Variants in TFRC observed in about 807,000 individuals in gnomAD.
TFRC encodes the protein transferrin receptor protein 1.
TFRC carries 35 observed loss-of-function variants against 85.8 expected under a neutral mutation model. The ratio of observed to expected loss-of-function variants is 0.41; its 90% CI spans 0.31 to 0.54. The LOEUF is 0.54. TFRC is among the 20% of genes least tolerant of loss of function. TFRC has a pLI of 0.31. For synonymous variants in TFRC, 362 were observed against 328.6 expected (o/e 1.10, Z -1.10); for missense variants, 828 against 921.5 (o/e 0.90, Z 1.31).
At chr3:196,069,858 G>A (rs1718043821) in intron 6 of TFRC, among the ~76,000 whole-genome samples, 1 of 152,212 alleles carries the variant, frequency 6.6e-6, no homozygotes, top group Non-Finnish European at 1.5e-5. Flanking sequence ...GGCTGGTCAT[G>A]GGACTGGAGG....
intron 16 of TFRC, among the ~76,000 whole-genome samples, chr3:196,056,703 G>A (rs1716825448): frequency 6.6e-6 from 1 of 152,258 alleles, no homozygotes; most frequent in Non-Finnish European, 1.5e-5. Context: ...ACTCGGCCAA[G>A]CCTCATTATT....
At chr3:196,064,485 C>T (rs1717551814) in intron 10 of TFRC, 57 bp from the exon 11 acceptor site, 1 of 1,501,900 alleles carries the variant, frequency 6.7e-7, no homozygotes, top group Non-Finnish European at 8.9e-7. Flanking sequence ...CTAAACTTTT[C>T]TAGAATTAGC....
intron 8 of TFRC, among the ~76,000 whole-genome samples, 161 bp from the exon 9 acceptor site, chr3:196,067,818 TG>T (rs1717862136): frequency 6.6e-6 from 1 of 152,214 alleles, no homozygotes. Context: ...TCATGGCATA[TG>T]GAAATTCTCA....
intron 6 of TFRC, 133 bp downstream of exon 6, chr3:196,071,263 A>G: frequency 1.5e-6 from 1 of 683,408 alleles, no homozygotes; most frequent in South Asian, 1.8e-5. Flanking sequence ...CTGTGTCATT[A>G]GAGGGTTGAA....
At chr3:196,081,424 G>C (rs1719165974) in intron 1 of TFRC, among the ~76,000 whole-genome samples, 1 of 152,234 alleles carries the variant, frequency 6.6e-6, no homozygotes, top group South Asian at 2.1e-4. Context: ...TAACCGAATC[G>C]GGGACAGCTT....
At chr3:196,068,466 C>T (rs1577240298) in intron 7 of TFRC, among the ~76,000 whole-genome samples, 1 of 151,712 alleles carries the variant, frequency 6.6e-6, no homozygotes, top group Admixed American at 6.6e-5. Flanking sequence ...CAAAAATTAA[C>T]TGGGCGCAGT....
At chr3:196,077,179 C>G in intron 1 of TFRC, 57 bp from the exon 2 acceptor site, 1 of 1,227,886 alleles carries the variant, frequency 8.1e-7, no homozygotes, top group East Asian at 2.3e-5. Context: ...GATTAGTGAG[C>G]TTTCTATTAC....
At chr3:196,068,001 A>G (rs1577239494) in intron 8 of TFRC, 31 bp downstream of exon 8, 1 of 1,575,552 alleles carries the variant, frequency 6.3e-7, no homozygotes. Flanking sequence ...CAAGGAACTC[A>G]AAACGGTGAT....
In TFRC at chr3:196,051,575, G is replaced by A. The variant is rs1013900921; in HGVS notation, c.*367C>T. On this transcript the variant is annotated 3_prime_UTR_variant, in exon 19 of 19. Transcript: ENST00000360110. ...AGTTGGAGGATCACTCAAAGTAAGC[G>A]ACCACTTACAACCTTCAGCAGAGAC... The A allele has an allele frequency of 7.9e-6, 2 of 252,234 alleles. No homozygotes were observed. Among genetic ancestry groups the A allele is most frequent in the East Asian group, 1.2e-4 (2 of 16,716 alleles). 15.6% of individuals were successfully genotyped at this position (252,234 alleles called of 1,614,324 possible). A position where few individuals can be genotyped will look rare whatever the true frequency, so the allele number is the denominator to read the frequency against.
intron 16 of TFRC, among the ~76,000 whole-genome samples, chr3:196,055,931 G>A (rs756600442): frequency 3.4e-5 from 5 of 148,506 alleles, no homozygotes; most frequent in African/African-American, 7.5e-5. Flanking sequence ...TTGAGACGAG[G>A]TCACTCTGTC....
intron 13 of TFRC, among the ~76,000 whole-genome samples, chr3:196,061,776 A>G (rs1717303854): frequency 6.6e-6 from 1 of 152,222 alleles, no homozygotes; most frequent in African/African-American, 2.4e-5. Flanking sequence ...GGCGTGCACC[A>G]CTGCGCCCAG....
At chr3:196,064,929 C>T (rs1246140079) in intron 10 of TFRC, among the ~76,000 whole-genome samples, 2 of 152,278 alleles carry the variant, frequency 1.3e-5, no homozygotes, top group African/African-American at 4.8e-5. Flanking sequence ...CAATTTTTAA[C>T]AAGAATTTCC....
Position 196,060,437 on chromosome 3 carries a change from C to G in TFRC, c.1469-190G>C, listed in dbSNP as rs9846149. On this transcript the variant is annotated intron_variant, in intron 13 of 18. Coordinates refer to ENST00000360110, the MANE Select transcript of TFRC (RefSeq NM_001128148.3). ...AGCTCTTTAGCAACTAAGCTAACTTCACTCAAGTGGGCTCGTACTACTCCT... is the reference window on the plus strand; with the variant it reads ...AGCTCTTTAGCAACTAAGCTAACTTGACTCAAGTGGGCTCGTACTACTCCT... 305,844 of 576,184 alleles carry G rather than the reference C, an allele frequency of 0.53. 86,710 individuals are homozygous for G. The highest frequency in any genetic ancestry group is 0.65 in the Middle Eastern group (1,652 of 2,524). 35.7% of individuals were successfully genotyped at this position (576,184 alleles called of 1,614,324 possible). A position where few individuals can be genotyped will look rare whatever the true frequency, so the allele number is the denominator to read the frequency against.
intron 10 of TFRC, among the ~76,000 whole-genome samples, chr3:196,064,684 TAGTA>T (rs1717568744): frequency 6.6e-6 from 1 of 152,210 alleles, no homozygotes; most frequent in South Asian, 2.1e-4. Flanking sequence ...ACTTATTTCT[TAGTA>T]AGTGTTGGCT....
rs1158709674 is a variant in TFRC, at chr3:196,050,204, T to A, written c.*1738A>T. ...AATGTGATAAAGTTAAAATGACTTG[T>A]CAATAGCAAACATTATAAATGTATG... is the stretch of plus-strand genomic sequence containing the variant. On this transcript the variant is annotated 3_prime_UTR_variant, in exon 19 of 19. Coordinates refer to ENST00000360110, the MANE Select transcript of TFRC (RefSeq NM_001128148.3). The A allele has an allele frequency of 8.8e-6, 2 of 226,378 alleles. No individual in the cohort carries two copies. The highest frequency in any genetic ancestry group is 1.8e-5 in the Non-Finnish European group (2 of 113,744). 14.0% of individuals were successfully genotyped at this position (226,378 alleles called of 1,614,324 possible).
chr3:196,055,419 C>A lies in TFRC; in HGVS notation c.1678-118G>T. 3 of 791,388 alleles carry A rather than the reference C, an allele frequency of 3.8e-6. No homozygotes were observed. The Admixed American group carries it at 6.6e-5, about 17-fold the overall frequency. The allele number at this position is 791,388 out of a possible 1,614,324, so 49.0% of individuals were successfully genotyped here. ...GTTCCACCCTTGCTTCTAACATATTCCTACCGCAATTTACCCCAATTCTAT... is the reference window on the plus strand; with the variant it reads ...GTTCCACCCTTGCTTCTAACATATTACTACCGCAATTTACCCCAATTCTAT... On this transcript the variant is annotated intron_variant, in intron 16 of 18. Coordinates refer to ENST00000360110, the MANE Select transcript of TFRC (RefSeq NM_001128148.3).
rs746921045 is a variant in TFRC at position 196,075,346 on chromosome 3, T to C, written c.51A>G (p.Pro17=). The change falls in exon 3 of 19, where the codon CCA becomes CCG. Residue 17 remains proline (P), a synonymous_variant. Coordinates refer to ENST00000360110, the MANE Select transcript of TFRC (RefSeq NM_001128148.3). ...SAFSNLFGGE[P]LSYTRFSLAR... ...CCAGGCTGAACCGGGTATATGACAA[T>C]GGTTCTCCACCAAACTGTGTTGCGG... The C allele has an allele frequency of 8.1e-6, 13 of 1,614,024 alleles. No individual in the cohort carries two copies. The highest frequency in any genetic ancestry group is 1.1e-5 in the Non-Finnish European group (13 of 1,180,008).
chr3:196,073,957 T>C lies in TFRC; in HGVS notation c.407A>G (p.Asp136Gly), dbSNP rs1271505620. Residue 136 changes from aspartate to glycine, a missense_variant, in exon 4 of 19, where the codon GAC (aspartate) becomes GGC (glycine). Physicochemically the swap from Asp to Gly is moderately conservative, Grantham distance 94. Coordinates refer to ENST00000360110, the MANE Select transcript of TFRC (RefSeq NM_001128148.3). ...GATGGTGCCGGTGAAGTCTGTGCTG[T>C]CCAGTTTCTCCGACAACTTTCTCTT... ...DLKRKLSEKL[D>G]STDFTGTIKL... 2 of 1,614,132 alleles carry C rather than the reference T, an allele frequency of 1.2e-6. No individual in the cohort carries two copies. The highest frequency in any genetic ancestry group is 1.1e-5 in the South Asian group (1 of 91,084).
In TFRC at chr3:196,067,553, C is replaced by T. The variant is rs1014084096; in HGVS notation, c.1005G>A (p.Gln335=). Residue 335 remains glutamine (Q), a synonymous_variant, in exon 9 of 19, where the codon CAG becomes CAA. Transcript: ENST00000360110. Reference sequence around the variant, plus strand: ...TTTCTGCAGCAGCTCTGGAGATTGTCTGGACAGGTATATTAGGCAATCCTG... The same window carrying T: ...TTTCTGCAGCAGCTCTGGAGATTGTTTGGACAGGTATATTAGGCAATCCTG... ...RSSGLPNIPV[Q]TISRAAAEKL... 1.2e-6 allele frequency: 2 copies of T among 1,613,902 alleles called. No individual in the cohort carries two copies. The highest frequency in any genetic ancestry group is 1.7e-6 in the Non-Finnish European group (2 of 1,179,990).
Sources: allele counts gnomAD v4.1 joint callset (sites outside exome capture counted in the v4.1 genomes callset), GRCh38; gene constraint gnomAD v4.1.1; transcripts MANE v1.5; gene names NCBI Gene and HGNC (gene_info 2026-07-23, HGNC 2026-07-21).